Variants in ATP13A4 observed in about 807,000 individuals in gnomAD.
The protein encoded by ATP13A4 is probable cation-transporting ATPase 13A4.
Under a neutral mutation model 142.5 loss-of-function variants are expected in ATP13A4, and 114 were observed. The observed-to-expected ratio is 0.80, with a 90% CI of 0.69 to 0.93. The LOEUF (loss-of-function observed/expected upper bound fraction) is 0.93. Ranked by LOEUF, ATP13A4 falls within the 40% of genes least tolerant of loss-of-function variation. The pLI is 0.00. For synonymous variants in ATP13A4, 488 were observed against 514.8 expected (o/e 0.95, Z 0.70); for missense variants, 1,392 against 1,454.0 (o/e 0.96, Z 0.69).
At chr3:193,503,456 T>C (rs139557385) in intron 2 of ATP13A4, among the ~76,000 whole-genome samples, 26 of 152,230 alleles carry the variant, frequency 1.7e-4, no homozygotes, top group Admixed American at 3.9e-4. Context: ...AATAGGGAAA[T>C]ACTAAACATA....
At chr3:193,500,944 G>A (rs1339599606) in intron 3 of ATP13A4, among the ~76,000 whole-genome samples, 3 of 152,136 alleles carry the variant, frequency 2.0e-5, no homozygotes, top group Admixed American at 6.5e-5. Flanking sequence ...CAAAGAAGGG[G>A]TATTACTTTT....
rs754552847 is a variant in ATP13A4 at position 193,401,591 on chromosome 3, G to A, written c.*1061C>T. On this transcript the variant is annotated 3_prime_UTR_variant, in exon 30 of 30. Transcript: ENST00000342695. ...AAGTGGGCTGTAGTGGACAGCACTCGTGCTTTCTGATCTGTTATTTTCCTC... is the reference window on the plus strand; with the variant it reads ...AAGTGGGCTGTAGTGGACAGCACTCATGCTTTCTGATCTGTTATTTTCCTC... Among the ~76,000 whole-genome samples the A allele has an allele frequency of 7.2e-5, 11 of 152,154 alleles. No individual in the cohort carries two copies. Among genetic ancestry groups the A allele is most frequent in the Non-Finnish European group, 1.2e-4 (8 of 68,032 alleles).
chr3:193,588,471 T>C (rs1194507248), intron 1 of ATP13A4, among the ~76,000 whole-genome samples: 2 of 152,212 alleles, frequency 1.3e-5, no homozygotes, highest in Non-Finnish European at 2.9e-5. Context: ...TTCCTCTTCC[T>C]AGTTTCTTCA....
chr3:193,585,377 G>A (rs1341965591), intron 1 of ATP13A4, among the ~76,000 whole-genome samples: 1 of 152,106 alleles, frequency 6.6e-6, no homozygotes, highest in Non-Finnish European at 1.5e-5. Context: ...CTGAGATCGC[G>A]TCATTGCACT....
At chr3:193,566,746 T>A (rs1191088766) in intron 2 of ATP13A4, among the ~76,000 whole-genome samples, 1 of 152,198 alleles carries the variant, frequency 6.6e-6, no homozygotes, top group Non-Finnish European at 1.5e-5. Flanking sequence ...GTCAAGGCCC[T>A]GTCTCTGACC....
At chr3:193,473,117 G>A (rs1290453813) in intron 8 of ATP13A4, among the ~76,000 whole-genome samples, 5 of 152,190 alleles carry the variant, frequency 3.3e-5, no homozygotes, top group East Asian at 1.9e-4. Context: ...TACAGGCTGC[G>A]CCAAGAAAAG....
chr3:193,516,311 T>C (rs1253003907), intron 1 of ATP13A4, among the ~76,000 whole-genome samples: 1 of 152,250 alleles, frequency 6.6e-6, no homozygotes, highest in Admixed American at 6.5e-5. Flanking sequence ...TAGCAACACA[T>C]ACAGGTGCCG....
At chr3:193,442,935 C>T (rs1716733653) in intron 18 of ATP13A4, among the ~76,000 whole-genome samples, 1 of 152,148 alleles carries the variant, frequency 6.6e-6, no homozygotes, top group Non-Finnish European at 1.5e-5. Flanking sequence ...TGTATCTCTC[C>T]CACTGATTAC....
At chr3:193,585,926 G>C (rs950521893) in intron 1 of ATP13A4, among the ~76,000 whole-genome samples, 1 of 152,062 alleles carries the variant, frequency 6.6e-6, no homozygotes, top group Admixed American at 6.6e-5. Flanking sequence ...TTCCAAAGTG[G>C]TCGTGCCATT....
intron 1 of ATP13A4, among the ~76,000 whole-genome samples, chr3:193,542,185 G>T (rs1722966318): frequency 6.6e-6 from 1 of 152,080 alleles, no homozygotes; most frequent in Admixed American, 6.6e-5. Flanking sequence ...ACCAACACTA[G>T]ACTAGCAGAA....
intron 2 of ATP13A4, among the ~76,000 whole-genome samples, chr3:193,580,432 C>T (rs1235315479): frequency 6.6e-6 from 1 of 152,188 alleles, no homozygotes; most frequent in African/African-American, 2.4e-5. Context: ...AGAAAGGAGA[C>T]TGTCAACAGC....
intron 7 of ATP13A4, among the ~76,000 whole-genome samples, chr3:193,485,885 C>T (rs1240566211): frequency 1.3e-5 from 2 of 150,948 alleles, no homozygotes; most frequent in Non-Finnish European, 2.9e-5. Flanking sequence ...AACTTTCCAG[C>T]CTCCATAACT....
chr3:193,530,560 C>T (rs898371505), intron 1 of ATP13A4, among the ~76,000 whole-genome samples: 3 of 152,160 alleles, frequency 2.0e-5, no homozygotes, highest in Non-Finnish European at 4.4e-5. Context: ...TTGCTCCATC[C>T]ATAATACTAC....
intron 3 of ATP13A4, among the ~76,000 whole-genome samples, chr3:193,497,486 G>A (rs182160961): frequency 8.6e-4 from 131 of 152,176 alleles, no homozygotes; most frequent in African/African-American, 3.1e-3. Context: ...AATTAGTACA[G>A]CCATTATGAA....
At chr3:193,514,367 G>A (rs1049620271) in intron 2 of ATP13A4, among the ~76,000 whole-genome samples, 10 of 152,150 alleles carry the variant, frequency 6.6e-5, no homozygotes, top group Non-Finnish European at 1.3e-4. Context: ...AGTTTGCTAA[G>A]GATAATGGCT....
intron 25 of ATP13A4, among the ~76,000 whole-genome samples, chr3:193,422,397 A>G (rs572669065): frequency 6.7e-6 from 1 of 148,878 alleles, no homozygotes; most frequent in South Asian, 2.1e-4. Context: ...CATATACAAA[A>G]CTTTCTATTC....
intron 25 of ATP13A4, among the ~76,000 whole-genome samples, chr3:193,424,851 G>T (rs1715576052): frequency 6.7e-6 from 1 of 149,252 alleles, no homozygotes; most frequent in Non-Finnish European, 1.5e-5. Context: ...AAAAGATTTT[G>T]CACAACAAAG....
At chr3:193,459,529 C>T (rs1717831761) in intron 13 of ATP13A4, among the ~76,000 whole-genome samples, 1 of 152,122 alleles carries the variant, frequency 6.6e-6, no homozygotes, top group South Asian at 2.1e-4. Flanking sequence ...CCTCTGCCTC[C>T]CAGGTTCTAG....
intron 25 of ATP13A4, among the ~76,000 whole-genome samples, chr3:193,430,288 T>C (rs530959596): frequency 6.6e-6 from 1 of 152,224 alleles, no homozygotes; most frequent in South Asian, 2.1e-4. Context: ...GCTGACAAAG[T>C]TAACAAAGCC....
Sources: gnomAD v4.1 joint callset for allele counts (sites outside exome capture counted in the v4.1 genomes callset) on GRCh38, gnomAD v4.1.1 for gene constraint, MANE v1.5 for transcripts, NCBI Gene and HGNC (gene_info 2026-07-23, HGNC 2026-07-21) for gene names.